NAGPA: variants seen among roughly 807,000 people sequenced by gnomAD.
NAGPA encodes N-acetylglucosamine-1-phosphodiester alpha-N-acetylglucosaminidase, also known as alpha-N-acetylglucosaminyl phosphodiesterase.
A neutral mutation model predicts 48.5 loss-of-function variants in NAGPA; 56 were observed. The observed-to-expected ratio is 1.15, with a 90% CI of 0.93 to 1.44. The LOEUF is 1.44. Ranked by LOEUF, NAGPA falls within the 40% of genes most tolerant of loss-of-function variation. The pLI is 0.00. For synonymous variants in NAGPA, 399 were observed against 315.5 expected, an observed-to-expected ratio of 1.26 and a Z score of -2.81; for missense variants, 888 against 735.0, an observed-to-expected ratio of 1.21 and a Z score of -2.41.
In NAGPA at chr16:5,025,384, T is replaced by G. The variant is rs1955977176; in HGVS notation, c.*94A>C. 3 of 1,462,374 alleles carry G rather than the reference T, an allele frequency of 2.1e-6. No homozygotes were observed. The highest frequency in any genetic ancestry group is 2.8e-6 in the Non-Finnish European group (3 of 1,064,126). The allele number at this position is 1,462,374 out of a possible 1,614,324, so 90.6% of individuals were successfully genotyped here. A position where few individuals can be genotyped will look rare whatever the true frequency, so the allele number is the denominator to read the frequency against. ...CCCACAGGGGCTGAGGACACCCAGA[T>G]GGTCCACGCCAGTGGCCTTGAAATT... On this transcript the variant is annotated 3_prime_UTR_variant, in exon 10 of 10. Coordinates refer to ENST00000312251, the MANE Select transcript of NAGPA (RefSeq NM_016256.4).
At chr16:5,026,512 C>A (rs1596659493) in intron 9 of NAGPA, among the ~76,000 whole-genome samples, 1 of 151,646 alleles carries the variant, frequency 6.6e-6, no homozygotes, top group Non-Finnish European at 1.5e-5. Context: ...CCAGCCTAGG[C>A]AACAGAGTGA....
At chr16:5,027,036 G>T in intron 9 of NAGPA, 99 bp downstream of exon 9, 1 of 1,433,300 alleles carries the variant, frequency 7.0e-7, no homozygotes, top group Middle Eastern at 2.3e-4. Flanking sequence ...GCAGGGAGCT[G>T]GCAGGGGACA....
In NAGPA at chr16:5,025,065, G is replaced by T; in HGVS notation, c.*413C>A. 4.5e-6 allele frequency: 1 copy of T among 224,192 alleles called. No individual in the cohort carries two copies. Among genetic ancestry groups the T allele is most frequent in the Non-Finnish European group, 9.0e-6 (1 of 111,172 alleles). The allele number at this position is 224,192 out of a possible 1,614,324, so 13.9% of individuals were successfully genotyped here. On this transcript the variant is annotated 3_prime_UTR_variant, in exon 10 of 10. Coordinates refer to ENST00000312251, the MANE Select transcript of NAGPA (RefSeq NM_016256.4). ...GGGGTCCCGTGTCACAGCCAGGAAG[G>T]CAGACTCGTCCCTTTAACCCACTCC...
At position 5,028,962 on chromosome 16, in the gene NAGPA, C is replaced by T. The variant is rs147838773; in HGVS notation, c.838G>A (p.Val280Ile). ...MAEFLLKQDV[V>I]NAINLDGGGS... The stretch of plus-strand genomic sequence containing the variant: ...CCCCCATCCAGGTTGATGGCGTTGA[C>T]CACGTCCTGTTTCAGCAGGAACTCC... The change falls in exon 5 of 10, where the codon GTC becomes ATC. Residue 280 changes from valine to isoleucine, a missense_variant. Transcript: ENST00000312251. The T allele has an allele frequency of 3.1e-6, 5 of 1,614,006 alleles. No homozygotes were observed. The East Asian group carries it at 8.9e-5, about 29-fold the overall frequency.
chr16:5,027,522 C>T (rs557145296), intron 7 of NAGPA, 143 bp from the exon 8 acceptor site: 35 of 870,852 alleles, frequency 4.0e-5, no homozygotes, highest in Middle Eastern at 3.4e-4. Context: ...CCTGCCCTCC[C>T]TGGACTAGCC....
At chr16:5,030,763 G>T (rs1956083213) in intron 3 of NAGPA, 1 of 513,988 alleles carries the variant, frequency 1.9e-6, no homozygotes, top group Non-Finnish European at 3.5e-6. Context: ...CAAAGAGCCA[G>T]CATGCCCTCC....
chr16:5,033,746 C>T lies in NAGPA; in HGVS notation c.87-18G>A. 1 of 1,599,226 alleles carries T rather than the reference C, an allele frequency of 6.3e-7. No individual in the cohort carries two copies. Among genetic ancestry groups the T allele is most frequent in the Non-Finnish European group, 8.5e-7 (1 of 1,174,520 alleles). Reference sequence around the variant, plus strand: ...GGGAGGCCCTGCGGGGACGGGCGGCCGTGAGCTCAGGGGGCTGTCCTCGTG... The same window carrying T: ...GGGAGGCCCTGCGGGGACGGGCGGCTGTGAGCTCAGGGGGCTGTCCTCGTG... On this transcript the variant is annotated intron_variant, in intron 1 of 9. Transcript: ENST00000312251. This position sits in a 1 kb window ranked among gnomAD's most constrained non-coding sequence, Gnocchi z 4.2.
chr16:5,028,884 G>A lies in NAGPA; in HGVS notation c.916C>T (p.His306Tyr). 3.7e-6 allele frequency: 6 copies of A among 1,614,016 alleles called. No individual in the cohort carries two copies. Among genetic ancestry groups the A allele is most frequent in the South Asian group, 1.1e-5 (1 of 91,084 alleles). Reference sequence around the variant, plus strand: ...AGGCGGCTCTCACGTGCTTACCAGTGATCTGACGGGTAACTGGCCAAGGTC... The same window carrying A: ...AGGCGGCTCTCACGTGCTTACCAGTAATCTGACGGGTAACTGGCCAAGGTC... ...NGTLASYPSD[H>Y]CQDNMWRCPR... is the part of the protein sequence containing the mutation. The change falls in exon 5 of 10, where the codon CAC becomes TAC. Residue 306 changes from histidine (H) to tyrosine (Y), a missense_variant. Transcript: ENST00000312251.
intron 4 of NAGPA, 39 bp downstream of exon 4, chr16:5,030,346 C>A (rs1658380758): frequency 2.0e-6 from 3 of 1,530,012 alleles, no homozygotes; most frequent in Non-Finnish European, 2.7e-6. Flanking sequence ...CCTAGCAGGA[C>A]TGAGCCCCGG....
chr16:5,033,113 G>T lies in NAGPA; in HGVS notation c.542+160C>A. 2.4e-6 allele frequency: 2 copies of T among 843,806 alleles called. No homozygotes were observed. The highest frequency in any genetic ancestry group is 1.6e-5 in the South Asian group (1 of 61,338). The allele number at this position is 843,806 out of a possible 1,614,324, so 52.3% of individuals were successfully genotyped here. Reference sequence around the variant, plus strand: ...TACAAGCAAGTGCTCAATGATACTGGATGATGAATAAACTCTGCAAGGAAG... The same window carrying T: ...TACAAGCAAGTGCTCAATGATACTGTATGATGAATAAACTCTGCAAGGAAG... On this transcript the variant is annotated intron_variant, in intron 2 of 9. Coordinates refer to ENST00000312251, the MANE Select transcript of NAGPA (RefSeq NM_016256.4). The surrounding 1 kb of genome is among the most constrained non-coding windows in gnomAD (Gnocchi z 4.2).
chr16:5,030,318 C>G (rs761382346), intron 4 of NAGPA, 67 bp downstream of exon 4: 391 of 1,422,010 alleles, frequency 2.7e-4, no homozygotes, highest in Non-Finnish European at 3.6e-4. Context: ...GGGTGGCTGT[C>G]ATTGGGTCAA....
intron 4 of NAGPA, 132 bp from the exon 5 acceptor site, chr16:5,029,140 A>G (rs1956058706): frequency 1.4e-6 from 2 of 1,469,572 alleles, no homozygotes; most frequent in East Asian, 2.3e-5. Context: ...GCCCCCAAGC[A>G]TGTCTCATCC....
Position 5,027,398 on chromosome 16 carries a change from AGGAGGG to A in NAGPA, c.1175-25_1175-20del. ...GGACACTCTATGGAAAGGAGATGGG[AGGAGGG>A]AGGAGGGAGGAGAAAGGTTGGGGCC... On this transcript the variant is annotated intron_variant, in intron 7 of 9. Coordinates refer to ENST00000312251, the MANE Select transcript of NAGPA (RefSeq NM_016256.4). 1.3e-5 allele frequency: 7 copies of A among 557,294 alleles called. No individual in the cohort carries two copies. Among genetic ancestry groups the A allele is most frequent in the Non-Finnish European group, 1.5e-5 (6 of 388,904 alleles). The allele number at this position is 557,294 out of a possible 1,614,324, so 34.5% of individuals were successfully genotyped here.
At position 5,028,996 on chromosome 16, in the gene NAGPA, C is replaced by T. The variant is rs765557288; in HGVS notation, c.804G>A (p.Trp268Ter). 2 of 1,613,558 alleles carry T rather than the reference C, an allele frequency of 1.2e-6. No individual in the cohort carries two copies. Among genetic ancestry groups the T allele is most frequent in the Non-Finnish European group, 8.5e-7 (1 of 1,180,022 alleles). Residue 268 changes from tryptophan to a stop codon, truncating the protein, a stop_gained, in exon 5 of 10, where the codon TGG (tryptophan) becomes TGA (stop). Transcript: ENST00000312251. LOFTEE classifies it high-confidence loss of function. The stretch of plus-strand genomic sequence containing the variant: ...GTTTCAGCAGGAACTCCGCCATTTC[C>T]CACAGGTTGATGCTGCGGCACAAAG... ...GQTEQRGINL[W>*]EMAEFLLKQD...
At chr16:5,031,905 A>C (rs752494114) in intron 2 of NAGPA, 21 bp from the exon 3 acceptor site, 5 of 1,614,012 alleles carry the variant, frequency 3.1e-6, no homozygotes, top group East Asian at 2.2e-5. Flanking sequence ...GGAAGGTGGG[A>C]AGCTCACTCA....
chr16:5,030,927 CCA>C, intron 3 of NAGPA: 1 of 239,964 alleles, frequency 4.2e-6, no homozygotes, highest in South Asian at 5.3e-5. Context: ...CCTTGACCGC[CCA>C]CTCTTTTTTT....
intron 5 of NAGPA, chr16:5,028,401 A>C: frequency 2.1e-6 from 2 of 946,508 alleles, no homozygotes; most frequent in South Asian, 1.4e-5. Flanking sequence ...ACGCCTGCCT[A>C]ATTTTTTTTT....
rs755122427 is a variant in NAGPA, at chr16:5,029,010, T to C, written c.792-2A>G. The C allele has an allele frequency of 6.2e-6, 10 of 1,613,126 alleles. No individual in the cohort carries two copies. Among genetic ancestry groups the C allele is most frequent in the Non-Finnish European group, 8.5e-6 (10 of 1,180,028 alleles). On this transcript the variant is annotated splice_acceptor_variant, in intron 4 of 9. Coordinates refer to ENST00000312251, the MANE Select transcript of NAGPA (RefSeq NM_016256.4). LOFTEE classifies it high-confidence loss of function. ...TCCGCCATTTCCCACAGGTTGATGC[T>C]GCGGCACAAAGCGGCGCTGCTCAGG...
rs769350585 is a variant in NAGPA, at chr16:5,033,635, C to T, written c.180G>A (p.Glu60=). ...CGGGAGGCGGAGGCCAACTCTCGTG[C>T]TCGCGGTTGCCGGCGCGCACCCGTG... is the stretch of plus-strand genomic sequence containing the variant. ...DCTRVRAGNR[E]HESWPPPPAT... The change falls in exon 2 of 10, where the codon GAG becomes GAA. Residue 60 remains glutamate, a synonymous_variant. Coordinates refer to ENST00000312251, the MANE Select transcript of NAGPA (RefSeq NM_016256.4). The surrounding 1 kb of genome is among the most constrained non-coding windows in gnomAD (Gnocchi z 4.2). The T allele has an allele frequency of 3.6e-5, 56 of 1,534,470 alleles. No individual in the cohort carries two copies. The highest frequency in any genetic ancestry group is 9.8e-5 in the South Asian group (8 of 81,744).
Sources: gnomAD v4.1 joint callset for allele counts (sites outside exome capture counted in the v4.1 genomes callset) on GRCh38, gnomAD v4.1.1 for gene constraint, Gnocchi (gnomAD v3.1) non-coding constraint, MANE v1.5 for transcripts, NCBI Gene and HGNC (gene_info 2026-07-23, HGNC 2026-07-21) for gene names.